Variants in RAB36 observed in about 807,000 individuals in gnomAD.
The protein encoded by RAB36 is RAB36, member RAS oncogene family.
RAB36 carries 33 observed loss-of-function variants against 39.3 expected under a neutral mutation model. The observed-to-expected ratio is 0.84, with a 90% CI of 0.64 to 1.12. RAB36 has a LOEUF of 1.12. Among genes scored for constraint, RAB36 ranks in the 50% most tolerant of loss-of-function variants. The pLI, the probability that RAB36 is intolerant of heterozygous loss-of-function variation, is 0.00. For missense variants in RAB36, 308 were observed against 355.3 expected (o/e 0.87, Z 1.07); for synonymous variants, 133 against 140.2 (o/e 0.95, Z 0.36).
Position 23,162,161 on chromosome 22 carries a change from C to A in RAB36, c.*597C>A. ...GGATGCTCAAGGTTCCTGGGCAGAC[C>A]AGCACCTCTGGAGGACAATGGACAA... On this transcript the variant is annotated 3_prime_UTR_variant, in exon 11 of 11. Coordinates refer to ENST00000263116, the MANE Select transcript of RAB36 (RefSeq NM_004914.5). 1 of 172,304 alleles carries A rather than the reference C, an allele frequency of 5.8e-6. No homozygotes were observed. Among genetic ancestry groups the A allele is most frequent in the Non-Finnish European group, 1.2e-5 (1 of 80,488 alleles). The allele number at this position is 172,304 out of a possible 1,614,324, so 10.7% of individuals were successfully genotyped here.
chr22:23,153,864 T>C (rs1269626643), intron 5 of RAB36, among the ~76,000 whole-genome samples: 1 of 152,044 alleles, frequency 6.6e-6, no homozygotes, highest in Non-Finnish European at 1.5e-5. Context: ...TATTTTTGTA[T>C]TTTTAGTAGA....
upstream of RAB36, chr22:23,145,462 TCCCG>T: frequency 1.2e-6 from 2 of 1,610,018 alleles, no homozygotes; most frequent in Non-Finnish European, 1.7e-6. Flanking sequence ...AGCCCGCAGG[TCCCG>T]CGTGGCTCTC....
intron 7 of RAB36, 69 bp downstream of exon 7, chr22:23,158,112 C>T (rs2071562750): frequency 1.3e-6 from 2 of 1,595,236 alleles, no homozygotes; most frequent in South Asian, 1.1e-5. Flanking sequence ...GGCTCCCAGA[C>T]CCTGGCCAGT....
At position 23,145,522 on chromosome 22, in the gene RAB36, G is replaced by A; in HGVS notation, c.-42G>A. 6.2e-7 allele frequency: 1 copy of A among 1,604,090 alleles called. No homozygotes were observed. Among genetic ancestry groups the A allele is most frequent in the Non-Finnish European group, 8.5e-7 (1 of 1,179,438 alleles). ...CGCTGGCTCAGGCGGACCAGGCCGC[G>A]CGGAGCCCCAGCTTTCACAGCCATC... On this transcript the variant is annotated 5_prime_UTR_variant, in exon 1 of 11. Transcript: ENST00000263116.
At chr22:23,149,075 TGA>T (rs1453234531) in intron 2 of RAB36, among the ~76,000 whole-genome samples, 2 of 152,096 alleles carry the variant, frequency 1.3e-5, no homozygotes, top group Non-Finnish European at 2.9e-5. Context: ...CAGCTGGAAC[TGA>T]GAGGGCAGAT....
intron 3 of RAB36, among the ~76,000 whole-genome samples, chr22:23,151,900 T>C (rs2071158174): frequency 6.6e-6 from 1 of 152,182 alleles, no homozygotes. Flanking sequence ...GGTGTGCCCC[T>C]TGGCCTGTCG....
intron 5 of RAB36, among the ~76,000 whole-genome samples, chr22:23,155,113 G>A (rs371274925): frequency 5.9e-5 from 9 of 152,098 alleles, no homozygotes; most frequent in East Asian, 3.9e-4. Context: ...CAATAAGAGC[G>A]AAACTCCACC....
At position 23,161,908 on chromosome 22, in the gene RAB36, G is replaced by C; in HGVS notation, c.*344G>C. The C allele has an allele frequency of 3.3e-6, 1 of 300,920 alleles. No individual in the cohort carries two copies. The highest frequency in any genetic ancestry group is 6.3e-6 in the Non-Finnish European group (1 of 157,980). 18.6% of individuals were successfully genotyped at this position (300,920 alleles called of 1,614,324 possible). On this transcript the variant is annotated 3_prime_UTR_variant, in exon 11 of 11. Transcript: ENST00000263116. ...CCTCAGAACTGCAAACTCCTGCGTC[G>C]GTCTATACTACTCGGCCATGGCCCA...
Position 23,145,505 on chromosome 22 carries a change from C to T in RAB36, c.-59C>T. 2 of 1,606,018 alleles carry T rather than the reference C, an allele frequency of 1.2e-6. No individual in the cohort carries two copies. Among genetic ancestry groups the T allele is most frequent in the Non-Finnish European group, 1.7e-6 (2 of 1,179,588 alleles). On this transcript the variant is annotated 5_prime_UTR_variant, in exon 1 of 11. Coordinates refer to ENST00000263116, the MANE Select transcript of RAB36 (RefSeq NM_004914.5). The stretch of plus-strand genomic sequence containing the variant: ...GCCATGGTGATCGCCGCCGCTGGCT[C>T]AGGCGGACCAGGCCGCGCGGAGCCC...
chr22:23,149,306 C>T (rs1042482455), intron 2 of RAB36, among the ~76,000 whole-genome samples: 2 of 152,190 alleles, frequency 1.3e-5, no homozygotes, highest in African/African-American at 2.4e-5. Context: ...CTGGGCCAAT[C>T]CAATGGCAAA....
In RAB36 at chr22:23,159,189, A is replaced by C; in HGVS notation, c.555A>C (p.Glu185Asp). 6.2e-7 allele frequency: 1 copy of C among 1,611,196 alleles called. No individual in the cohort carries two copies. The highest frequency in any genetic ancestry group is 8.5e-7 in the Non-Finnish European group (1 of 1,179,078). Reference sequence around the variant, plus strand: ...CAGGGGCCGCATGTGAGCAGGCCGAAGCAGACGCTGTGCACCTGGCCAGGG... The same window carrying C: ...CAGGGGCCGCATGTGAGCAGGCCGACGCAGACGCTGTGCACCTGGCCAGGG... ...LLSGAACEQA[E>D]ADAVHLAREM... The change falls in exon 9 of 11, where the codon GAA (glutamate) becomes GAC (aspartate). Residue 185 changes from glutamate to aspartate, a missense_variant. Physicochemically the swap from Glu to Asp is conservative, Grantham distance 45. Coordinates refer to ENST00000263116, the MANE Select transcript of RAB36 (RefSeq NM_004914.5).
rs576326857 is a variant in RAB36, at chr22:23,160,971, C to A, written c.712C>A (p.Leu238Ile). 5 of 1,612,836 alleles carry A rather than the reference C, an allele frequency of 3.1e-6. No individual in the cohort carries two copies. The African/African-American group carries it at 4.0e-5, about 13-fold the overall frequency. ...QDLERQSSAR[L>I]QVGNGDLIQM... ...CCTGGAGAGGCAGAGCAGTGCCCGG[C>A]TCCAGGTCGGCAATGGAGACCTAAT... Residue 238 changes from leucine to isoleucine, a missense_variant, in exon 10 of 11, where the codon CTC becomes ATC. By Grantham distance (5) the Leu-to-Ile change is conservative. Coordinates refer to ENST00000263116, the MANE Select transcript of RAB36 (RefSeq NM_004914.5).
At chr22:23,166,147 T>TAAAAAAAAA (rs695297), downstream of RAB36, among the ~76,000 whole-genome samples, 92 of 59,884 alleles carry the variant, frequency 1.5e-3, 5 homozygotes, top group African/African-American at 6.1e-3. Context: ...CTCTGTCTTT[T>TAAAAAAAAA]AAAAAAAAAA....
rs897277157 is a variant in RAB36, at chr22:23,150,269, A to G, written c.161+115A>G. On this transcript the variant is annotated intron_variant, in intron 3 of 10. Transcript: ENST00000263116. Reference sequence around the variant, plus strand: ...ACACGAGGCTGGTGCAGCCCTGTACAGGCCTGAAGATGACTGGGGTTTTCT... The same window carrying G: ...ACACGAGGCTGGTGCAGCCCTGTACGGGCCTGAAGATGACTGGGGTTTTCT... 1.3e-5 allele frequency: 10 copies of G among 771,600 alleles called. No homozygotes were observed. In the East Asian group the frequency reaches 1.9e-4, roughly 15 times the overall value. The allele number at this position is 771,600 out of a possible 1,614,324, so 47.8% of individuals were successfully genotyped here.
intron 4 of RAB36, 140 bp downstream of exon 4, chr22:23,152,666 C>A: frequency 1.2e-6 from 1 of 824,044 alleles, no homozygotes; most frequent in South Asian, 1.6e-5. Flanking sequence ...TGCTGGGAGC[C>A]GGATAAGAGG....
In RAB36 at chr22:23,150,163, G is replaced by A; in HGVS notation, c.161+9G>A. ...AACACGGGGACTGTCGGGTGAGCCTGCAGGGTGTGGGATGGGGGAGCAGGT... is the reference window on the plus strand; with the variant it reads ...AACACGGGGACTGTCGGGTGAGCCTACAGGGTGTGGGATGGGGGAGCAGGT... On this transcript the variant is annotated intron_variant, in intron 3 of 10. Transcript: ENST00000263116. 1 of 1,604,032 alleles carries A rather than the reference G, an allele frequency of 6.2e-7. No homozygotes were observed. Among genetic ancestry groups the A allele is most frequent in the South Asian group, 1.1e-5 (1 of 90,056 alleles).
At chr22:23,158,284 G>A (rs1206089433) in intron 7 of RAB36, among the ~76,000 whole-genome samples, 8 of 152,344 alleles carry the variant, frequency 5.3e-5, no homozygotes, top group Middle Eastern at 3.4e-3. Flanking sequence ...CCCCAGGCAC[G>A]TGCTCAGAGG....
At position 23,146,569 on chromosome 22, in the gene RAB36, G is replaced by C. The variant is rs370731302; in HGVS notation, c.-12-36G>C. 304 of 1,609,352 alleles carry C rather than the reference G, an allele frequency of 1.9e-4. 1 individual carries two copies. The Middle Eastern group carries it at 3.3e-3, about 18-fold the overall frequency. On this transcript the variant is annotated intron_variant, in intron 1 of 10. Transcript: ENST00000263116. ...GGGTGAATCCCCAGGTATTTGCACA[G>C]CTCCTTAACTGTCTTTCTCCTGGTT...
intron 2 of RAB36, among the ~76,000 whole-genome samples, chr22:23,148,443 C>T (rs558562758): frequency 3.9e-5 from 6 of 152,160 alleles, no homozygotes; most frequent in Non-Finnish European, 7.4e-5. Context: ...AGGAGGGTTG[C>T]CTGACATCAC....
Sources: gnomAD v4.1 joint callset for allele counts (sites outside exome capture counted in the v4.1 genomes callset) on GRCh38, gnomAD v4.1.1 for gene constraint, MANE v1.5 for transcripts, NCBI Gene and HGNC (gene_info 2026-07-23, HGNC 2026-07-21) for gene names.